Variants in SSUH2 observed in about 807,000 individuals in gnomAD.
SSUH2 encodes the protein protein SSUH2 homolog.
In SSUH2, 47 loss-of-function variants were observed where a neutral mutation model predicts 55.3. The observed-to-expected ratio is 0.85, with a 90% CI of 0.67 to 1.08. The LOEUF is 1.08. Among genes scored for constraint, SSUH2 ranks in the 50% least tolerant of loss-of-function variants. The probability of loss-of-function intolerance (pLI) is 0.00; values close to 1 mark genes in which losing one functional copy is unlikely to be tolerated. For synonymous variants in SSUH2, 212 were observed against 191.5 expected, an observed-to-expected ratio of 1.11 and a Z score of -0.89; for missense variants, 535 against 490.7, an observed-to-expected ratio of 1.09 and a Z score of -0.85.
At chr3:8,648,324 G>A (rs148021540), upstream of SSUH2, among the ~76,000 whole-genome samples, 37 of 152,292 alleles carry the variant, frequency 2.4e-4, no homozygotes, top group Admixed American at 5.2e-4. Context: ...GTTATGTGTC[G>A]TTGTAAGAAG....
At chr3:8,661,315 T>C (rs540639712) in intron 6 of SSUH2, among the ~76,000 whole-genome samples, 1 of 152,346 alleles carries the variant, frequency 6.6e-6, no homozygotes, top group South Asian at 2.1e-4. Flanking sequence ...CCAACAACTG[T>C]CTTTTCCTTA....
chr3:8,646,949 A>G (rs1471778645), upstream of SSUH2, among the ~76,000 whole-genome samples: 1 of 152,240 alleles, frequency 6.6e-6, no homozygotes, highest in Non-Finnish European at 1.5e-5. Context: ...TAAGTGCTCA[A>G]GAAACATTTG....
chr3:8,624,939 C>G (rs1361007638), intron 10 of SSUH2, among the ~76,000 whole-genome samples: 1 of 152,166 alleles, frequency 6.6e-6, no homozygotes, highest in African/African-American at 2.4e-5. Context: ...CCCAATTGCC[C>G]TGCATCCAGG....
intron 5 of SSUH2, among the ~76,000 whole-genome samples, chr3:8,669,222 C>A (rs933585199): frequency 3.3e-5 from 5 of 152,128 alleles, no homozygotes; most frequent in African/African-American, 1.2e-4. Context: ...GACACAGGAG[C>A]CAACCTAAAA....
At chr3:8,678,619 C>CT (rs200598859) in intron 2 of SSUH2, among the ~76,000 whole-genome samples, 2 of 68,722 alleles carry the variant, frequency 2.9e-5, no homozygotes, top group Non-Finnish European at 6.3e-5. Context: ...CCCTTCTTCC[C>CT]CCCCGGCTTT....
intron 6 of SSUH2, chr3:8,659,820 GAGAT>G (rs1211040492): frequency 1.1e-5 from 5 of 456,012 alleles, no homozygotes; most frequent in African/African-American, 8.0e-5. Flanking sequence ...AGAAGAGAGA[GAGAT>G]AGAGAAGGAG....
intron 3 of SSUH2, among the ~76,000 whole-genome samples, chr3:8,675,028 T>G (rs1705075660): frequency 6.6e-6 from 1 of 152,180 alleles, no homozygotes; most frequent in Non-Finnish European, 1.5e-5. Flanking sequence ...TCAGTCGCCA[T>G]GGAACACTCC....
chr3:8,655,762 CTG>C (rs906784314), intron 7 of SSUH2, among the ~76,000 whole-genome samples: 2 of 152,234 alleles, frequency 1.3e-5, no homozygotes, highest in African/African-American at 4.8e-5. Context: ...AATCAGAAAA[CTG>C]ATAACACAGC....
upstream of SSUH2, among the ~76,000 whole-genome samples, chr3:8,648,237 C>T (rs1354375280): frequency 6.6e-6 from 1 of 152,192 alleles, no homozygotes; most frequent in African/African-American, 2.4e-5. Context: ...GGTCACACAG[C>T]TCTGGTGCGG....
chr3:8,619,787 C>G lies in SSUH2; in HGVS notation c.*81G>C. On this transcript the variant is annotated 3_prime_UTR_variant, in exon 12 of 12. Coordinates refer to ENST00000544814, the MANE Select transcript of SSUH2 (RefSeq NM_001256748.3). ...TTTGTATGTGATTGTCCAATGCAGC[C>G]AACAGTGAACACACTCAGAGAGTGT... is the stretch of plus-strand genomic sequence containing the variant. 2 of 1,518,846 alleles carry G rather than the reference C, an allele frequency of 1.3e-6. No homozygotes were observed. Among genetic ancestry groups the G allele is most frequent in the Non-Finnish European group, 1.8e-6 (2 of 1,120,126 alleles). 94.1% of individuals were successfully genotyped at this position (1,518,846 alleles called of 1,614,324 possible).
In SSUH2 at chr3:8,679,374, G is replaced by C. The variant is rs1421288800; in HGVS notation, c.-901+331C>G. On this transcript the variant is annotated intron_variant, in intron 2 of 18. Coordinates refer to the SSUH2 transcript ENST00000317371. ...CCGACCCCCATCGCATTGGCGGGAG[G>C]CATCCCCCAGGAGGAGGGGACTGAG... 6.3e-3 allele frequency among the ~76,000 whole-genome samples: 567 copies of C among 89,304 alleles called. 38 individuals are homozygous for C. The highest frequency in any genetic ancestry group is 0.012 in the East Asian group (23 of 1,986). The allele number at this position is 89,304 out of a possible 152,430, so 58.6% of individuals were successfully genotyped here.
chr3:8,644,000 C>G (rs1163877343), intron 1 of SSUH2, among the ~76,000 whole-genome samples: 1 of 151,882 alleles, frequency 6.6e-6, no homozygotes, highest in East Asian at 1.9e-4. Context: ...TCCCCGCCAC[C>G]GGCAACCACC....
At chr3:8,622,459 A>G (rs1240633983) in intron 11 of SSUH2, among the ~76,000 whole-genome samples, 1 of 152,146 alleles carries the variant, frequency 6.6e-6, no homozygotes, top group African/African-American at 2.4e-5. Context: ...CTGCCAAAAT[A>G]TTGAAAAACT....
intron 5 of SSUH2, among the ~76,000 whole-genome samples, chr3:8,667,706 C>T (rs907876127): frequency 6.6e-6 from 1 of 152,184 alleles, no homozygotes; most frequent in African/African-American, 2.4e-5. Flanking sequence ...GACCTTCAGC[C>T]CCTCTCCCCT....
Position 8,680,201 on chromosome 3 carries a change from C to CT in SSUH2, c.-1045-353_-1045-352insA, listed in dbSNP as rs1227680495. On this transcript the variant is annotated intron_variant, in intron 1 of 18. Transcript: ENST00000317371. ...ACAGGGTTTCTAAAGGATGGCCCCC[C>CT]GTTTGAGGGCCTTGGCAGCAACTGC... is the stretch of plus-strand genomic sequence containing the variant. Among the ~76,000 whole-genome samples, 41 of 151,680 alleles carry CT rather than the reference C, an allele frequency of 2.7e-4. No homozygotes were observed. The East Asian group carries it at 2.7e-3, about 10-fold the overall frequency.
chr3:8,629,101 T>C (rs367805891), intron 7 of SSUH2, among the ~76,000 whole-genome samples: 3 of 152,186 alleles, frequency 2.0e-5, no homozygotes, highest in African/African-American at 7.2e-5. Flanking sequence ...CCTCGTGATC[T>C]GCCCGCCTTG....
chr3:8,672,741 G>A (rs1559542158), intron 3 of SSUH2, among the ~76,000 whole-genome samples: 2 of 152,118 alleles, frequency 1.3e-5, no homozygotes, highest in Non-Finnish European at 2.9e-5. Flanking sequence ...TGTCACAAAA[G>A]GGGTGTACAC....
chr3:8,678,276 G>A (rs567370372), intron 2 of SSUH2, among the ~76,000 whole-genome samples: 8 of 152,038 alleles, frequency 5.3e-5, no homozygotes, highest in Non-Finnish European at 1.0e-4. Context: ...TCAACCTCTC[G>A]GCCTTTGAAT....
chr3:8,634,377 G>A (rs1436381421), intron 3 of SSUH2: 2 of 1,291,190 alleles, frequency 1.5e-6, no homozygotes, highest in South Asian at 2.5e-5. Flanking sequence ...TCCCTTCCCT[G>A]AGGCCATGCC....
Sources: allele counts gnomAD v4.1 joint callset (sites outside exome capture counted in the v4.1 genomes callset), GRCh38; gene constraint gnomAD v4.1.1; transcripts MANE v1.5; gene names NCBI Gene and HGNC (gene_info 2026-07-23, HGNC 2026-07-21).